The following PACC1 variants were observed in gnomAD, a reference collection of about 807,000 sequenced individuals.
PACC1 encodes the protein proton activated chloride channel 1.
In PACC1, 34 loss-of-function variants were observed where a neutral mutation model predicts 39.7. That is an observed-to-expected ratio of 0.86 (90% CI 0.65 to 1.14). The LOEUF (loss-of-function observed/expected upper bound fraction) is 1.14, where lower values mean the gene tolerates loss of function less well. PACC1 is among the 50% of genes most tolerant of loss of function. The pLI, the probability that PACC1 is intolerant of heterozygous loss-of-function variation, is 0.00. For synonymous variants in PACC1, 127 were observed against 160.6 expected (o/e 0.79, Z 1.58); for missense variants, 379 against 436.4 (o/e 0.87, Z 1.17).
Position 212,385,405 on chromosome 1 carries a change from G to A in PACC1, c.364C>T (p.Gln122Ter), listed in dbSNP as rs546059287. 1.4e-5 allele frequency: 22 copies of A among 1,613,956 alleles called. No homozygotes were observed. The highest frequency in any genetic ancestry group is 1.9e-5 in the Non-Finnish European group (22 of 1,180,010). Reference protein sequence around the residue: ...DAPGIALYPGQAQLLSCKHHY... With the variant: ...DAPGIALYPG Reference sequence around the variant, plus strand: ...TGCTTACAGCTGAGCAACTGGGCCTGACCGGGGTACAAGGCAATACCTGGG... The same window carrying A: ...TGCTTACAGCTGAGCAACTGGGCCTAACCGGGGTACAAGGCAATACCTGGG... The change falls in exon 4 of 8, where the codon CAG becomes TAG. Residue 122 changes from glutamine to a stop codon, truncating the protein, a stop_gained. Coordinates refer to ENST00000261455, the MANE Select transcript of PACC1 (RefSeq NM_018252.3). LOFTEE classifies it high-confidence loss of function.
At chr1:212,414,105 C>T (rs1662238739) in intron 1 of PACC1, 1 of 1,508,428 alleles carries the variant, frequency 6.6e-7, no homozygotes, top group African/African-American at 1.4e-5. Flanking sequence ...AGAGAAGAGA[C>T]AAAGAACTGG....
intron 1 of PACC1, 120 bp downstream of exon 1, chr1:212,414,602 G>C (rs1242870600): frequency 4.8e-6 from 6 of 1,262,116 alleles, no homozygotes; most frequent in Non-Finnish European, 6.7e-6. Context: ...CGCACCCGTC[G>C]GTCCCTCGGA....
At chr1:212,391,830 G>A (rs543330801) in intron 2 of PACC1, among the ~76,000 whole-genome samples, 3 of 152,184 alleles carry the variant, frequency 2.0e-5, no homozygotes, top group Non-Finnish European at 4.4e-5. Context: ...CCAACTGGAA[G>A]AAAGGGTATC....
intron 2 of PACC1, among the ~76,000 whole-genome samples, chr1:212,394,642 A>G (rs1202506071): frequency 2.6e-5 from 4 of 152,212 alleles, no homozygotes; most frequent in Admixed American, 2.0e-4. Flanking sequence ...GAGGAAGTCA[A>G]ATTGTCCCTG....
chr1:212,391,668 C>T (rs908443780), intron 2 of PACC1, among the ~76,000 whole-genome samples: 1 of 152,096 alleles, frequency 6.6e-6, no homozygotes, highest in African/African-American at 2.4e-5. Flanking sequence ...AGTTCAAACC[C>T]AACGCAAAGA....
intron 2 of PACC1, among the ~76,000 whole-genome samples, chr1:212,401,443 T>G (rs145176693): frequency 0.053 from 8,071 of 151,912 alleles, 328 homozygotes; most frequent in Admixed American, 0.11. Flanking sequence ...CTGGCCAACA[T>G]GGCAAAACCT....
Position 212,386,077 on chromosome 1 carries a change from G to C in PACC1, c.344-652C>G, listed in dbSNP as rs1485966817. ...GACAAACACAAGACAGGAAGAGATG[G>C]GCAGAGGAGCCATGACCAGCACACC... On this transcript the variant is annotated intron_variant, in intron 3 of 7. Coordinates refer to ENST00000261455, the MANE Select transcript of PACC1 (RefSeq NM_018252.3). The surrounding 1 kb of genome is among the most constrained non-coding windows in gnomAD (Gnocchi z 5.0). 1.3e-5 allele frequency among the ~76,000 whole-genome samples: 2 copies of C among 152,108 alleles called. No homozygotes were observed. Among genetic ancestry groups the C allele is most frequent in the African/African-American group, 4.8e-5 (2 of 41,420 alleles).
chr1:212,381,770 G>GACACAGTGACACACACAC (rs1553281060), intron 4 of PACC1, among the ~76,000 whole-genome samples: 2,860 of 118,128 alleles, frequency 0.024, 163 homozygotes, highest in African/African-American at 0.095. Flanking sequence ...ACAGCACAGT[G>GACACAGTGACACACACAC]ACACACACAC....
At chr1:212,408,073 CA>C (rs77122055) in intron 2 of PACC1, among the ~76,000 whole-genome samples, 1,075 of 67,722 alleles carry the variant, frequency 0.016, 10 homozygotes, top group African/African-American at 0.043. Context: ...GACTCCATCT[CA>C]AAAAAAAAAA....
At chr1:212,413,932 C>T in intron 1 of PACC1, 1 of 1,535,170 alleles carries the variant, frequency 6.5e-7, no homozygotes, top group Non-Finnish European at 8.7e-7. Context: ...TGAGGCGGCA[C>T]GATGGAGGGG....
intron 7 of PACC1, among the ~76,000 whole-genome samples, chr1:212,372,718 T>TA (rs1660505173): frequency 6.6e-6 from 1 of 152,010 alleles, no homozygotes; most frequent in South Asian, 2.1e-4. Context: ...AAAAAACTTA[T>TA]AGCAATGCAA....
intron 1 of PACC1, 39 bp downstream of exon 1, chr1:212,414,683 C>T (rs771572001): frequency 6.2e-7 from 1 of 1,612,498 alleles, no homozygotes; most frequent in East Asian, 2.2e-5. Context: ...CCCTGCTCCT[C>T]CGCCTCAAAC....
At chr1:212,376,003 G>A (rs1210427994) in intron 6 of PACC1, among the ~76,000 whole-genome samples, 5 of 152,188 alleles carry the variant, frequency 3.3e-5, no homozygotes, top group Non-Finnish European at 1.5e-5. Flanking sequence ...GTATTTCTCT[G>A]AATTTTCAAC....
rs1192552791 is a variant in PACC1 at position 212,386,319 on chromosome 1, G to A, written c.343+572C>T. Among the ~76,000 whole-genome samples, 2 of 152,150 alleles carry A rather than the reference G, an allele frequency of 1.3e-5. No homozygotes were observed. Reference sequence around the variant, plus strand: ...AGTGCCAGCCCTGCAGCCCAGAGCAGATAGCTTGCTCTATAGCAGAGTGGA... The same window carrying A: ...AGTGCCAGCCCTGCAGCCCAGAGCAAATAGCTTGCTCTATAGCAGAGTGGA... On this transcript the variant is annotated intron_variant, in intron 3 of 7. Transcript: ENST00000261455. The surrounding 1 kb of genome is among the most constrained non-coding windows in gnomAD (Gnocchi z 5.0).
At chr1:212,400,981 T>C (rs1661688943) in intron 2 of PACC1, among the ~76,000 whole-genome samples, 2 of 152,242 alleles carry the variant, frequency 1.3e-5, no homozygotes, top group South Asian at 2.1e-4. Context: ...AAACTCCACC[T>C]TGCAGGGAGC....
At chr1:212,371,247 A>G (rs1005089416) in intron 7 of PACC1, among the ~76,000 whole-genome samples, 2 of 148,500 alleles carry the variant, frequency 1.3e-5, no homozygotes, top group African/African-American at 2.6e-5. Flanking sequence ...ATTTCAAAAA[A>G]AAAAAAAAAA....
chr1:212,378,351 A>G (rs1660743072), intron 5 of PACC1, among the ~76,000 whole-genome samples: 2 of 152,256 alleles, frequency 1.3e-5, no homozygotes, highest in Non-Finnish European at 2.9e-5. Context: ...CAAGATGGCC[A>G]GCTTGAAGCA....
chr1:212,381,929 GA>G, intron 4 of PACC1, among the ~76,000 whole-genome samples: 1 of 152,254 alleles, frequency 6.6e-6, no homozygotes, highest in Non-Finnish European at 1.5e-5. Flanking sequence ...CTCAGAGAGA[GA>G]AGGAGGCTTC....
Position 212,365,391 on chromosome 1 carries a change from GAAAC to G in PACC1, c.892-19_892-16del. 5 of 1,549,848 alleles carry G rather than the reference GAAAC, an allele frequency of 3.2e-6. No homozygotes were observed. The highest frequency in any genetic ancestry group is 4.4e-6 in the Non-Finnish European group (5 of 1,139,174). ...GCAGTGACTATCTGTGAAGCAAACA[GAAAC>G]AAACAGGATTACTGGTTTGCTTCAG... On this transcript the variant is annotated splice_polypyrimidine_tract_variant and intron_variant, in intron 7 of 7. Transcript: ENST00000261455.
Sources: allele counts gnomAD v4.1 joint callset (sites outside exome capture counted in the v4.1 genomes callset), GRCh38; gene constraint gnomAD v4.1.1; non-coding constraint Gnocchi (gnomAD v3.1); transcripts MANE v1.5; gene names NCBI Gene and HGNC (gene_info 2026-07-23, HGNC 2026-07-21).